SLC44A1: variants seen among roughly 807,000 people sequenced by gnomAD.
SLC44A1 encodes solute carrier family 44 member 1.
A neutral mutation model predicts 79.3 loss-of-function variants in SLC44A1; 26 were observed. That is an observed-to-expected ratio of 0.33 (90% CI 0.24 to 0.46). The LOEUF is 0.46. SLC44A1 is among the 20% of genes least tolerant of loss of function. The pLI, the probability that SLC44A1 is intolerant of heterozygous loss-of-function variation, is 1.00. For synonymous variants in SLC44A1, 263 were observed against 286.2 expected, an observed-to-expected ratio of 0.92 and a Z score of 0.82; for missense variants, 688 against 798.1, an observed-to-expected ratio of 0.86 and a Z score of 1.66.
At chr9:105,256,774 T>G (rs1300952741) in intron 1 of SLC44A1, among the ~76,000 whole-genome samples, 1 of 148,632 alleles carries the variant, frequency 6.7e-6, no homozygotes, top group African/African-American at 2.5e-5. Flanking sequence ...TTATTTTATT[T>G]TATTTTATTT....
intron 15 of SLC44A1, among the ~76,000 whole-genome samples, chr9:105,422,130 A>T (rs890680194): frequency 6.6e-6 from 1 of 152,108 alleles, no homozygotes; most frequent in African/African-American, 2.4e-5. Context: ...TCAGAGTTAC[A>T]TCTAGCAACT....
In SLC44A1 at chr9:105,391,143, C is replaced by G. The variant is rs1165780555; in HGVS notation, c.*2087C>G. 2.0e-5 allele frequency: 20 copies of G among 985,496 alleles called. No homozygotes were observed. 61.0% of individuals were successfully genotyped at this position (985,496 alleles called of 1,614,324 possible). On this transcript the variant is annotated 3_prime_UTR_variant, in exon 16 of 16. Coordinates refer to ENST00000374720, the MANE Select transcript of SLC44A1 (RefSeq NM_080546.5). ...GGAGCTAGCAATTTTAAGAGGTGTC[C>G]CTCCAAAGTGACCTGATGGAAGTCC...
At chr9:105,432,315 C>T (rs1362065711) in intron 15 of SLC44A1, among the ~76,000 whole-genome samples, 1 of 152,132 alleles carries the variant, frequency 6.6e-6, no homozygotes, top group East Asian at 1.9e-4. Context: ...CAATAATTAG[C>T]CAGTAGGCCA....
At chr9:105,286,234 G>T (rs999438413) in intron 1 of SLC44A1, among the ~76,000 whole-genome samples, 1 of 152,074 alleles carries the variant, frequency 6.6e-6, no homozygotes, top group Non-Finnish European at 1.5e-5. Flanking sequence ...GTCTACACAG[G>T]ATATGCTAAC....
chr9:105,356,703 G>T (rs542681981), intron 6 of SLC44A1, among the ~76,000 whole-genome samples: 8 of 152,134 alleles, frequency 5.3e-5, no homozygotes, highest in African/African-American at 1.4e-4. Context: ...TTTTAGTTAT[G>T]ATTCCTAAAA....
At chr9:105,376,389 T>TC (rs1828291901) in intron 13 of SLC44A1, among the ~76,000 whole-genome samples, 1 of 150,854 alleles carries the variant, frequency 6.6e-6, no homozygotes, top group African/African-American at 2.4e-5. Flanking sequence ...TTTTTTTTTT[T>TC]CCAGATGGAG....
chr9:105,425,588 C>T (rs1829310109), intron 15 of SLC44A1, among the ~76,000 whole-genome samples: 1 of 151,964 alleles, frequency 6.6e-6, no homozygotes, highest in Non-Finnish European at 1.5e-5. Context: ...TTTGGGAGGT[C>T]GAGGCGGGCA....
At chr9:105,381,470 C>G (rs550095222) in intron 13 of SLC44A1, among the ~76,000 whole-genome samples, 6 of 151,552 alleles carry the variant, frequency 4.0e-5, no homozygotes, top group Admixed American at 3.9e-4. Flanking sequence ...ATTGCTTGAA[C>G]CCAGGAGGTG....
intron 15 of SLC44A1, among the ~76,000 whole-genome samples, chr9:105,416,479 A>G (rs1473989051): frequency 6.6e-6 from 1 of 152,064 alleles, no homozygotes; most frequent in East Asian, 1.9e-4. Context: ...GGTGGGGGCA[A>G]CAATTCATTC....
intron 3 of SLC44A1, among the ~76,000 whole-genome samples, chr9:105,311,155 A>G (rs1831170116): frequency 6.6e-6 from 1 of 152,124 alleles, no homozygotes; most frequent in Non-Finnish European, 1.5e-5. Context: ...CAAATTTTAG[A>G]CTGTATGTTA....
intron 15 of SLC44A1, among the ~76,000 whole-genome samples, chr9:105,407,701 C>G (rs1829045933): frequency 6.6e-6 from 1 of 151,712 alleles, no homozygotes; most frequent in African/African-American, 2.4e-5. Flanking sequence ...GAAGCCTTGT[C>G]TATACTAAAA....
chr9:105,366,866 G>A (rs547970955), intron 12 of SLC44A1, among the ~76,000 whole-genome samples: 1 of 151,200 alleles, frequency 6.6e-6, no homozygotes, highest in African/African-American at 2.4e-5. Flanking sequence ...TCAGTGTAAA[G>A]CTGTTGTGAC....
intron 4 of SLC44A1, among the ~76,000 whole-genome samples, chr9:105,341,640 C>T (rs1041523667): frequency 2.0e-5 from 3 of 152,136 alleles, no homozygotes; most frequent in African/African-American, 7.2e-5. Context: ...TATAGAGGCT[C>T]ACGCAGTAGA....
intron 5 of SLC44A1, among the ~76,000 whole-genome samples, chr9:105,351,578 A>AG (rs1827419519): frequency 2.5e-5 from 3 of 120,010 alleles, no homozygotes; most frequent in African/African-American, 1.2e-4. Flanking sequence ...GAAAGAGAGA[A>AG]AGAGAGAAAG....
At chr9:105,296,377 C>A (rs1588747375) in intron 1 of SLC44A1, among the ~76,000 whole-genome samples, 1 of 152,140 alleles carries the variant, frequency 6.6e-6, no homozygotes, top group Non-Finnish European at 1.5e-5. Flanking sequence ...CAAGTTGAAT[C>A]GACTTGTTGA....
chr9:105,263,315 C>T (rs1165880104), intron 1 of SLC44A1, among the ~76,000 whole-genome samples: 1 of 152,132 alleles, frequency 6.6e-6, no homozygotes, highest in Non-Finnish European at 1.5e-5. Context: ...TGTTCTGATT[C>T]TGCACCCATT....
At chr9:105,344,779 G>C (rs1467852136) in intron 4 of SLC44A1, among the ~76,000 whole-genome samples, 2 of 152,032 alleles carry the variant, frequency 1.3e-5, no homozygotes, top group Non-Finnish European at 2.9e-5. Flanking sequence ...AAATAGAGAT[G>C]ATATATAAAC....
At position 105,358,163 on chromosome 9, in the gene SLC44A1, A is replaced by T. The variant is rs1200659006; in HGVS notation, c.671-181A>T. On this transcript the variant is annotated intron_variant, in intron 6 of 15. Transcript: ENST00000374720. ...GGTGACTTTGGTTTCGAGTGATGCT[A>T]TTTAAGTGGTACAGGTAGCAGAGTC... Among the ~76,000 whole-genome samples the T allele has an allele frequency of 2.6e-5, 4 of 152,304 alleles. No individual in the cohort carries two copies. The East Asian group carries it at 7.7e-4, about 29-fold the overall frequency.
intron 15 of SLC44A1, among the ~76,000 whole-genome samples, chr9:105,403,746 T>G (rs1387134624): frequency 6.7e-6 from 1 of 149,648 alleles, no homozygotes; most frequent in Non-Finnish European, 1.5e-5. Context: ...CAAATAAGCC[T>G]TTGGGGAAAG....
Sources: allele counts gnomAD v4.1 joint callset (sites outside exome capture counted in the v4.1 genomes callset), GRCh38; gene constraint gnomAD v4.1.1; transcripts MANE v1.5; gene names NCBI Gene and HGNC (gene_info 2026-07-23, HGNC 2026-07-21).